The following HADHA variants were observed in gnomAD, a reference collection of about 807,000 sequenced individuals.
HADHA encodes hydroxyacyl-CoA dehydrogenase trifunctional multienzyme complex subunit alpha.
A neutral mutation model predicts 91.3 loss-of-function variants in HADHA; 59 were observed. The ratio of observed to expected loss-of-function variants is 0.65; its 90% CI spans 0.52 to 0.80. The LOEUF is 0.80. Ranked by LOEUF, HADHA falls within the 30% of genes least tolerant of loss-of-function variation. The pLI is 0.00. For missense variants in HADHA, 800 were observed against 927.6 expected (o/e 0.86, Z 1.79); for synonymous variants, 320 against 338.9 (o/e 0.94, Z 0.61).
intron 14 of HADHA, among the ~76,000 whole-genome samples, chr2:26,195,574 G>A (rs1473398723): frequency 4.5e-5 from 6 of 133,870 alleles, no homozygotes; most frequent in African/African-American, 1.6e-4. Context: ...TGATGGTTTA[G>A]ATAAGAGGAT....
chr2:26,224,079 T>C (rs903487445), intron 7 of HADHA, among the ~76,000 whole-genome samples: 1 of 152,178 alleles, frequency 6.6e-6, no homozygotes, highest in African/African-American at 2.4e-5. Context: ...CTTCTCCCAG[T>C]CTACTCCACT....
Position 26,191,373 on chromosome 2 carries a change from C to A in HADHA, c.2169G>T (p.Leu723=), listed in dbSNP as rs1352996721. 3.1e-6 allele frequency: 5 copies of A among 1,614,090 alleles called. No homozygotes were observed. In the East Asian group the frequency reaches 8.9e-5, roughly 29 times the overall value. Residue 723 remains leucine, a synonymous_variant, in exon 20 of 20, where the codon CTG becomes CTT. Transcript: ENST00000380649. ...CLGGPFRFVD[L]YGAQKIVDRL... ...GGTCCACTATCTTCTGGGCGCCATA[C>A]AGATCCACAAAGCGGAAAGGCCCTG...
At position 26,194,600 on chromosome 2, in the gene HADHA, G is replaced by T; in HGVS notation, c.1659C>A (p.Pro553=). The change falls in exon 16 of 20, where the codon CCC becomes CCA. Residue 553 remains proline, a synonymous_variant. Transcript: ENST00000380649. ...PGFYTTRCLA[P]MMSEVIRILQ... The stretch of plus-strand genomic sequence containing the variant: ...GGATTCGGATGACTTCAGACATCAT[G>T]GGCGCAAGACACCTGGTAGTATAGA... The T allele has an allele frequency of 6.2e-7, 1 of 1,612,206 alleles. No individual in the cohort carries two copies. Among genetic ancestry groups the T allele is most frequent in the Non-Finnish European group, 8.5e-7 (1 of 1,178,356 alleles).
At chr2:26,220,430 CAG>C (rs1281214328) in intron 7 of HADHA, among the ~76,000 whole-genome samples, 1 of 152,202 alleles carries the variant, frequency 6.6e-6, no homozygotes, top group Non-Finnish European at 1.5e-5. Flanking sequence ...GGAGGGACTG[CAG>C]AGATTAGTGT....
At chr2:26,220,346 G>A (rs1158768510) in intron 7 of HADHA, among the ~76,000 whole-genome samples, 1 of 152,176 alleles carries the variant, frequency 6.6e-6, no homozygotes, top group Non-Finnish European at 1.5e-5. Flanking sequence ...CTACTATGGT[G>A]GGAAAGGCCA....
At chr2:26,212,447 A>C (rs1045915169) in intron 10 of HADHA, 123 bp downstream of exon 10, 2 of 729,754 alleles carry the variant, frequency 2.7e-6, no homozygotes, top group Non-Finnish European at 5.0e-6. Context: ...GATGATAAGC[A>C]CTGGAAGAAA....
intron 17 of HADHA, among the ~76,000 whole-genome samples, chr2:26,192,843 G>A (rs1669549870): frequency 6.6e-6 from 1 of 152,152 alleles, no homozygotes; most frequent in South Asian, 2.1e-4. Flanking sequence ...TGTATGTCTA[G>A]CTAACCCTAG....
Position 26,201,237 on chromosome 2 carries a change from T to C in HADHA, c.1304A>G (p.Tyr435Cys), listed in dbSNP as rs752666143. 6 of 1,612,654 alleles carry C rather than the reference T, an allele frequency of 3.7e-6. No homozygotes were observed. Among genetic ancestry groups the C allele is most frequent in the Non-Finnish European group, 5.1e-6 (6 of 1,178,616 alleles). ...CATGTCGGCCTTTTCAAAACCTTGG[T>C]AATCAAGCTGCCCAGTCAAGTTGCT... ...IFSNLTGQLD[Y>C]QGFEKADMVI... The change falls in exon 13 of 20, where the codon TAC becomes TGC. Residue 435 changes from tyrosine (Y) to cysteine (C), a missense_variant. Transcript: ENST00000380649.
In HADHA at chr2:26,191,119, A is replaced by G; in HGVS notation, c.*131T>C. On this transcript the variant is annotated 3_prime_UTR_variant, in exon 20 of 20. Coordinates refer to ENST00000380649, the MANE Select transcript of HADHA (RefSeq NM_000182.5). The stretch of plus-strand genomic sequence containing the variant: ...GATGGTCTTGGCTGAAGGCACTTTA[A>G]TCAGGGAGCAAACCCAGTGCCGGAG... The G allele has an allele frequency of 1.1e-6, 1 of 896,254 alleles. No individual in the cohort carries two copies. The highest frequency in any genetic ancestry group is 1.8e-6 in the Non-Finnish European group (1 of 554,948). 55.5% of individuals were successfully genotyped at this position (896,254 alleles called of 1,614,324 possible).
At chr2:26,207,439 G>C (rs1275897331) in intron 11 of HADHA, among the ~76,000 whole-genome samples, 4 of 151,300 alleles carry the variant, frequency 2.6e-5, no homozygotes, top group African/African-American at 9.7e-5. Context: ...AGAATCCACA[G>C]CTAAAATATT....
chr2:26,232,477 C>A (rs993169047), intron 5 of HADHA, among the ~76,000 whole-genome samples, 198 bp from the exon 6 acceptor site: 2 of 152,058 alleles, frequency 1.3e-5, no homozygotes, highest in Non-Finnish European at 2.9e-5. Flanking sequence ...AATTTACTAA[C>A]CTCTTTTTGG....
Position 26,244,631 on chromosome 2 carries a change from C to G in HADHA, c.-35G>C, listed in dbSNP as rs1399050592. 5 of 1,558,584 alleles carry G rather than the reference C, an allele frequency of 3.2e-6. No homozygotes were observed. The highest frequency in any genetic ancestry group is 8.7e-7 in the Non-Finnish European group (1 of 1,150,732). On this transcript the variant is annotated 5_prime_UTR_variant, in exon 1 of 20. Coordinates refer to ENST00000380649, the MANE Select transcript of HADHA (RefSeq NM_000182.5). Reference sequence around the variant, plus strand: ...AAGAGGACAGCAGTGGAGAGCGCCTCTAACGGGTGCGGCCGAGCGGAGGAC... The same window carrying G: ...AAGAGGACAGCAGTGGAGAGCGCCTGTAACGGGTGCGGCCGAGCGGAGGAC...
In HADHA at chr2:26,204,154, G is replaced by A. The variant is rs765101895; in HGVS notation, c.1128C>T (p.Ile376=). The part of the protein sequence containing the change: ...ILGAGLMGAG[I]AQVSVDKGLK... ...GCCCCTTATCCACGGAGACTTGGGC[G>A]ATGCCTGCTCCCATCAGCCCTGCAC... The change falls in exon 12 of 20, where the codon ATC becomes ATT. Residue 376 remains isoleucine, a synonymous_variant. Coordinates refer to ENST00000380649, the MANE Select transcript of HADHA (RefSeq NM_000182.5). 6.2e-6 allele frequency: 10 copies of A among 1,613,262 alleles called. No individual in the cohort carries two copies. The highest frequency in any genetic ancestry group is 1.1e-5 in the South Asian group (1 of 91,090).
chr2:26,232,205 C>T lies in HADHA; in HGVS notation c.528G>A (p.Leu176=). Residue 176 remains leucine, a synonymous_variant, in exon 6 of 20, where the codon CTG becomes CTA. Transcript: ENST00000380649. Reference sequence around the variant, plus strand: ...TGCCTCCTGCTCCTGGTAAGGCCCCCAGCAAAACTTCAGGGGTACCTAATA... The same window carrying T: ...TGCCTCCTGCTCCTGGTAAGGCCCCTAGCAAAACTTCAGGGGTACCTAATA... ...KTVLGTPEVL[L]GALPGAGGTQ... is the part of the protein sequence containing the mutation. The T allele has an allele frequency of 6.2e-7, 1 of 1,610,118 alleles. No homozygotes were observed.
At chr2:26,225,791 G>A (rs571160986) in intron 7 of HADHA, among the ~76,000 whole-genome samples, 55 of 152,234 alleles carry the variant, frequency 3.6e-4, no homozygotes, top group Non-Finnish European at 6.9e-4. Flanking sequence ...GGAACAAGTT[G>A]ACAATACTTG....
rs778281315 is a variant in HADHA at position 26,191,464 on chromosome 2, C to G, written c.2146+19G>C. 2 of 1,614,162 alleles carry G rather than the reference C, an allele frequency of 1.2e-6. No individual in the cohort carries two copies. The highest frequency in any genetic ancestry group is 1.7e-5 in the Admixed American group (1 of 60,024). ...GCTCCAGGCTAAAGTGAGCTTCCTTCCCAACCTGCGAGACCAACCTCCCAG... is the reference window on the plus strand; with the variant it reads ...GCTCCAGGCTAAAGTGAGCTTCCTTGCCAACCTGCGAGACCAACCTCCCAG... On this transcript the variant is annotated intron_variant, in intron 19 of 19. Coordinates refer to ENST00000380649, the MANE Select transcript of HADHA (RefSeq NM_000182.5).
rs1670575347 is a variant in HADHA at position 26,229,774 on chromosome 2, C to G, written c.676+418G>C. Among the ~76,000 whole-genome samples the G allele has an allele frequency of 1.3e-5, 2 of 152,114 alleles. No homozygotes were observed. Among genetic ancestry groups the G allele is most frequent in the African/African-American group, 4.8e-5 (2 of 41,428 alleles). ...AACTTCCTTCCTTAGAATAATGACT[C>G]ATTTCTTAAGAGTTTGAGCTTCTCT... On this transcript the variant is annotated intron_variant, in intron 7 of 19. Transcript: ENST00000380649. The surrounding 1 kb of genome is among the most constrained non-coding windows in gnomAD (Gnocchi z 4.3).
chr2:26,236,325 C>G (rs547852625), intron 4 of HADHA, among the ~76,000 whole-genome samples: 1 of 146,038 alleles, frequency 6.8e-6, no homozygotes, highest in East Asian at 2.0e-4. Context: ...GGTGAGATTT[C>G]TCTAGATCAC....
chr2:26,212,591 G>A lies in HADHA; in HGVS notation c.954C>T (p.Ala318=), dbSNP rs755595692. The A allele has an allele frequency of 3.8e-6, 6 of 1,596,754 alleles. No individual in the cohort carries two copies. Among genetic ancestry groups the A allele is most frequent in the South Asian group, 3.3e-5 (3 of 90,748 alleles). The stretch of plus-strand genomic sequence containing the variant: ...TTACCTGAGATTCACAGAGATAACC[G>A]GCATCACTCCCTTGCTCAATTCCAG... ...VKTGIEQGSD[A]GYLCESQKFG... The change falls in exon 10 of 20, where the codon GCC becomes GCT. Residue 318 remains alanine, a synonymous_variant. Transcript: ENST00000380649.
Sources: gnomAD v4.1 joint callset for allele counts (sites outside exome capture counted in the v4.1 genomes callset) on GRCh38, gnomAD v4.1.1 for gene constraint, Gnocchi (gnomAD v3.1) non-coding constraint, MANE v1.5 for transcripts, NCBI Gene and HGNC (gene_info 2026-07-23, HGNC 2026-07-21) for gene names.